The following CTNNA3 variants were observed in gnomAD, a reference collection of about 807,000 sequenced individuals.
CTNNA3 encodes catenin alpha 3, also known as catenin alpha-3.
In CTNNA3, 76 loss-of-function variants were observed where a neutral mutation model predicts 95.7. That is an observed-to-expected ratio of 0.79 (90% CI 0.66 to 0.96). The LOEUF (loss-of-function observed/expected upper bound fraction) is 0.96, where lower values mean the gene tolerates loss of function less well. Among genes scored for constraint, CTNNA3 ranks in the 40% least tolerant of loss-of-function variants. The probability of loss-of-function intolerance (pLI) is 0.00; values close to 1 mark genes in which losing one functional copy is unlikely to be tolerated. For missense variants in CTNNA3, 1,191 were observed against 1,089.8 expected, an observed-to-expected ratio of 1.09 and a Z score of -1.31; for synonymous variants, 431 against 374.4, an observed-to-expected ratio of 1.15 and a Z score of -1.74.
At chr10:66,764,520 G>A (rs530036202) in intron 9 of CTNNA3, among the ~76,000 whole-genome samples, 90 of 152,280 alleles carry the variant, frequency 5.9e-4, no homozygotes, top group African/African-American at 2.1e-3. Context: ...GTTCGACCAA[G>A]GCACCCTTCT....
chr10:66,348,012 C>A (rs180948173), intron 12 of CTNNA3, among the ~76,000 whole-genome samples: 19 of 152,062 alleles, frequency 1.2e-4, no homozygotes, highest in Non-Finnish European at 1.8e-4. Context: ...AAAATGAATC[C>A]GCACTTAGAC....
At chr10:66,716,099 T>C (rs1279588033) in intron 9 of CTNNA3, among the ~76,000 whole-genome samples, 2 of 152,108 alleles carry the variant, frequency 1.3e-5, no homozygotes, top group East Asian at 3.8e-4. Flanking sequence ...TATGAAGAAT[T>C]GGTAGCACAC....
intron 15 of CTNNA3, among the ~76,000 whole-genome samples, chr10:66,053,321 C>T (rs893051491): frequency 7.2e-5 from 11 of 152,110 alleles, no homozygotes; most frequent in African/African-American, 2.4e-4. Context: ...ATGTTTTTCA[C>T]ACATTTTTAC....
chr10:67,016,556 A>G (rs1283882416), intron 7 of CTNNA3, among the ~76,000 whole-genome samples: 3 of 152,108 alleles, frequency 2.0e-5, no homozygotes, highest in Non-Finnish European at 4.4e-5. Flanking sequence ...CTACCATTCT[A>G]GAGTCTCAGG....
chr10:67,491,109 CA>C (rs1181318741), intron 5 of CTNNA3, among the ~76,000 whole-genome samples: 2 of 151,810 alleles, frequency 1.3e-5, no homozygotes, highest in African/African-American at 4.8e-5. Flanking sequence ...AATATCCCCT[CA>C]AAAAAACCAA....
intron 7 of CTNNA3, among the ~76,000 whole-genome samples, chr10:67,156,744 G>C (rs1214560526): frequency 6.6e-6 from 1 of 152,050 alleles, no homozygotes; most frequent in Non-Finnish European, 1.5e-5. Flanking sequence ...GTGCATTTGA[G>C]AAGAATGTAT....
chr10:67,047,060 C>G (rs139448404), intron 7 of CTNNA3, among the ~76,000 whole-genome samples: 3 of 152,298 alleles, frequency 2.0e-5, no homozygotes, highest in Non-Finnish European at 4.4e-5. Flanking sequence ...TATCTGATTC[C>G]TTGCTTCTGC....
At chr10:66,932,177 G>T (rs1442617318) in intron 7 of CTNNA3, among the ~76,000 whole-genome samples, 1 of 152,180 alleles carries the variant, frequency 6.6e-6, no homozygotes, top group African/African-American at 2.4e-5. Flanking sequence ...TACAGTCTAA[G>T]AGGTGATGAT....
rs1296017107 is a variant in CTNNA3 at position 67,741,518 on chromosome 10, G to A, written c.-2+21916C>T. 2.0e-5 allele frequency among the ~76,000 whole-genome samples: 3 copies of A among 150,896 alleles called. No homozygotes were observed. In the East Asian group the frequency reaches 5.8e-4, roughly 29 times the overall value. On this transcript the variant is annotated intron_variant, in intron 1 of 17. Coordinates refer to the CTNNA3 transcript ENST00000684154. Reference sequence around the variant, plus strand: ...GCTCCTGAAGGAAGCACTAAACATGGAAAGGAACAACTGGTACCAGCTACT... The same window carrying A: ...GCTCCTGAAGGAAGCACTAAACATGAAAAGGAACAACTGGTACCAGCTACT...
chr10:67,391,462 G>A (rs1844480664), intron 5 of CTNNA3, among the ~76,000 whole-genome samples: 1 of 152,164 alleles, frequency 6.6e-6, no homozygotes, highest in Admixed American at 6.5e-5. Flanking sequence ...TCAATATCGT[G>A]AAAATGGCCA....
At chr10:67,644,983 T>C (rs1589527797) in intron 2 of CTNNA3, among the ~76,000 whole-genome samples, 2 of 152,206 alleles carry the variant, frequency 1.3e-5, no homozygotes, top group Admixed American at 6.5e-5. Context: ...GTGACTCATC[T>C]ACTTGTGGAT....
chr10:66,123,776 G>A (rs889857323), intron 13 of CTNNA3, among the ~76,000 whole-genome samples: 3 of 152,164 alleles, frequency 2.0e-5, no homozygotes, highest in Admixed American at 6.5e-5. Flanking sequence ...AAGGCTTGAG[G>A]CTTGCAACCT....
At chr10:67,571,354 T>A (rs1841969810) in intron 3 of CTNNA3, among the ~76,000 whole-genome samples, 1 of 152,182 alleles carries the variant, frequency 6.6e-6, no homozygotes. Flanking sequence ...ATTTAATATA[T>A]GTTACTCTGG....
At chr10:67,253,377 A>G (rs1866188378) in intron 5 of CTNNA3, among the ~76,000 whole-genome samples, 1 of 152,234 alleles carries the variant, frequency 6.6e-6, no homozygotes, top group Non-Finnish European at 1.5e-5. Flanking sequence ...ATATTTTCAG[A>G]TCACAGTTGA....
chr10:65,985,832 A>G (rs1226842758), intron 16 of CTNNA3, among the ~76,000 whole-genome samples: 2 of 151,584 alleles, frequency 1.3e-5, no homozygotes, highest in African/African-American at 4.8e-5. Context: ...GAGGAAGTCT[A>G]ATTGTCCTAG....
At chr10:66,980,234 A>C (rs1850334400) in intron 7 of CTNNA3, among the ~76,000 whole-genome samples, 1 of 152,172 alleles carries the variant, frequency 6.6e-6, no homozygotes, top group African/African-American at 2.4e-5. Context: ...GATGAAGTCA[A>C]TTACTAATTT....
chr10:67,301,651 G>C (rs1840277126), intron 5 of CTNNA3, among the ~76,000 whole-genome samples: 1 of 151,836 alleles, frequency 6.6e-6, no homozygotes, highest in South Asian at 2.1e-4. Context: ...ATATATATAA[G>C]GAATGCAATT....
intron 15 of CTNNA3, among the ~76,000 whole-genome samples, chr10:65,989,124 A>G (rs1564561878): frequency 3.3e-5 from 5 of 152,078 alleles, no homozygotes; most frequent in Admixed American, 6.6e-5. Context: ...TATTTTTAGT[A>G]GAGATGGGGT....
intron 11 of CTNNA3, among the ~76,000 whole-genome samples, chr10:66,447,311 T>A (rs1259762790): frequency 6.6e-6 from 1 of 151,704 alleles, no homozygotes; most frequent in African/African-American, 2.4e-5. Context: ...CTTCACAGAA[T>A]TGGAAAAAAC....
Sources: gnomAD v4.1 joint callset for allele counts (sites outside exome capture counted in the v4.1 genomes callset) on GRCh38, gnomAD v4.1.1 for gene constraint, MANE v1.5 for transcripts, NCBI Gene and HGNC (gene_info 2026-07-23, HGNC 2026-07-21) for gene names.